The following CLVS1 variants were observed in gnomAD, a reference collection of about 807,000 sequenced individuals.
The protein encoded by CLVS1 is clavesin 1.
In CLVS1, 10 loss-of-function variants were observed where a neutral mutation model predicts 33.1. The ratio of observed to expected loss-of-function variants is 0.30; its 90% CI spans 0.19 to 0.51. CLVS1 has a LOEUF of 0.51. CLVS1 is among the 20% of genes least tolerant of loss of function. CLVS1 has a pLI of 0.97. For synonymous variants in CLVS1, 163 were observed against 166.1 expected, an observed-to-expected ratio of 0.98 and a Z score of 0.14; for missense variants, 343 against 433.4, an observed-to-expected ratio of 0.79 and a Z score of 1.85.
intron 2 of CLVS1, among the ~76,000 whole-genome samples, chr8:61,160,620 G>C (rs956064285): frequency 8.2e-6 from 1 of 122,624 alleles, no homozygotes; most frequent in Non-Finnish European, 2.1e-5. Context: ...CTTGTTAAGA[G>C]ATTTTTTTTT....
At chr8:61,121,760 C>CCA (rs750255952) in intron 1 of CLVS1, among the ~76,000 whole-genome samples, 8 of 151,736 alleles carry the variant, frequency 5.3e-5, no homozygotes, top group African/African-American at 9.7e-5. Flanking sequence ...AGAAACACAC[C>CCA]CACACACACA....
the CLVS1 span, among the ~76,000 whole-genome samples, chr8:61,008,170 G>A: frequency 6.6e-6 from 1 of 152,138 alleles, no homozygotes; most frequent in Non-Finnish European, 1.5e-5. Flanking sequence ...CACAGTCACT[G>A]TTTTGCCATC....
chr8:61,488,817 G>T (rs542997766), intron 5 of CLVS1, among the ~76,000 whole-genome samples: 1 of 152,120 alleles, frequency 6.6e-6, no homozygotes, highest in East Asian at 1.9e-4. Flanking sequence ...GTCCAGCTGC[G>T]GCTGCCAGTT....
At chr8:61,287,728 T>TAC (rs371711319), upstream of CLVS1, among the ~76,000 whole-genome samples, 175 of 151,788 alleles carry the variant, frequency 1.2e-3, no homozygotes, top group East Asian at 1.9e-3. Flanking sequence ...CTGTCAAATT[T>TAC]ACACACACAC....
rs1585687916 is a variant in CLVS1, at chr8:61,206,473, C to T, written c.-152+74613C>T. Among the ~76,000 whole-genome samples, 4 of 152,270 alleles carry T rather than the reference C, an allele frequency of 2.6e-5. No individual in the cohort carries two copies. In the South Asian group the frequency reaches 6.2e-4, roughly 24 times the overall value. On this transcript the variant is annotated intron_variant, in intron 2 of 2. Coordinates refer to the CLVS1 transcript ENST00000522621. The stretch of plus-strand genomic sequence containing the variant: ...TTAATATTTTATTCAGCATTGAGGG[C>T]TTAAATAAATATCACTTCCACTGGG...
Position 61,184,441 on chromosome 8 carries a change from G to A in CLVS1, c.-152+52581G>A, listed in dbSNP as rs565028703. 3.9e-5 allele frequency among the ~76,000 whole-genome samples: 6 copies of A among 152,310 alleles called. No homozygotes were observed. In the South Asian group the frequency reaches 1.0e-3, roughly 26 times the overall value. ...ACTCACAGCACTGCTTCTACCAGGCGTGGGAGGCACAGTAGATCCTCTGAA... is the reference window on the plus strand; with the variant it reads ...ACTCACAGCACTGCTTCTACCAGGCATGGGAGGCACAGTAGATCCTCTGAA... On this transcript the variant is annotated intron_variant, in intron 2 of 2. Transcript: ENST00000522621.
At chr8:61,125,444 T>G (rs1805951962) in intron 1 of CLVS1, among the ~76,000 whole-genome samples, 2 of 152,298 alleles carry the variant, frequency 1.3e-5, no homozygotes, top group South Asian at 4.1e-4. Context: ...AAAAAAGACA[T>G]AAGTTCAGTT....
chr8:61,014,865 A>T, the CLVS1 span, among the ~76,000 whole-genome samples: 1 of 152,234 alleles, frequency 6.6e-6, no homozygotes, highest in African/African-American at 2.4e-5. Flanking sequence ...AGATGTGGGG[A>T]TCAATAAATG....
At chr8:61,000,467 A>C in the CLVS1 span, among the ~76,000 whole-genome samples, 2 of 152,178 alleles carry the variant, frequency 1.3e-5, no homozygotes, top group African/African-American at 4.8e-5. Context: ...TGACGGGTTC[A>C]AGGGGAGTGG....
chr8:61,499,309 G>T, intron 5 of CLVS1, 146 bp from the exon 6 acceptor site: 1 of 571,396 alleles, frequency 1.8e-6, no homozygotes, highest in East Asian at 3.2e-5. Context: ...CTGAATAGCT[G>T]GGACTACTGG....
chr8:61,295,490 C>CATCT, intron 1 of CLVS1, among the ~76,000 whole-genome samples: 1 of 152,276 alleles, frequency 6.6e-6, no homozygotes, highest in African/African-American at 2.4e-5. Flanking sequence ...GGCAACTGGA[C>CATCT]ATCTGTAAGG....
intron 3 of CLVS1, among the ~76,000 whole-genome samples, chr8:61,425,782 T>G (rs369755102): frequency 4.1e-4 from 62 of 152,224 alleles, no homozygotes; most frequent in African/African-American, 1.3e-3. Flanking sequence ...GACTGAATAG[T>G]GTCTGGGGCA....
chr8:61,389,573 A>G (rs925648057), intron 3 of CLVS1, among the ~76,000 whole-genome samples: 1 of 152,160 alleles, frequency 6.6e-6, no homozygotes, highest in Non-Finnish European at 1.5e-5. Flanking sequence ...GCTGACAGCC[A>G]GGGAAGAAAC....
the CLVS1 span, among the ~76,000 whole-genome samples, chr8:61,029,956 C>T: frequency 6.6e-6 from 1 of 152,188 alleles, no homozygotes; most frequent in Non-Finnish European, 1.5e-5. Flanking sequence ...ACAGCCATCC[C>T]TTATGTAGAA....
chr8:61,307,547 C>T (rs1038844681), intron 2 of CLVS1, among the ~76,000 whole-genome samples: 1 of 152,014 alleles, frequency 6.6e-6, no homozygotes, highest in Non-Finnish European at 1.5e-5. Flanking sequence ...CACCAAGAAA[C>T]TCAGTAATTA....
At chr8:61,194,626 T>G (rs1585679283) in intron 2 of CLVS1, among the ~76,000 whole-genome samples, 2 of 152,016 alleles carry the variant, frequency 1.3e-5, no homozygotes, top group African/African-American at 4.8e-5. Flanking sequence ...TTAACATACA[T>G]CTTTCAAAAG....
rs868447752 is a variant in CLVS1 at position 61,074,412 on chromosome 8, A to T, written c.-243+17182A>T. ...TATATATATATGTTATATATATATA[A>T]GTATATGTGTATATATATATGTTAT... On this transcript the variant is annotated intron_variant, in intron 1 of 2. Coordinates refer to the CLVS1 transcript ENST00000522621. Among the ~76,000 whole-genome samples the T allele has an allele frequency of 6.9e-3, 952 of 138,162 alleles. 65 individuals are homozygous for T. The highest frequency in any genetic ancestry group is 0.025 in the African/African-American group (887 of 36,104). 90.6% of individuals were successfully genotyped at this position (138,162 alleles called of 152,430 possible). A position where few individuals can be genotyped will look rare whatever the true frequency, so the allele number is the denominator to read the frequency against.
At chr8:61,037,758 C>T in the CLVS1 span, among the ~76,000 whole-genome samples, 1 of 152,214 alleles carries the variant, frequency 6.6e-6, no homozygotes, top group African/African-American at 2.4e-5. Context: ...GTGTCCAGGG[C>T]AAACCCCAGA....
chr8:61,322,792 C>A (rs953186743), intron 2 of CLVS1, among the ~76,000 whole-genome samples: 7 of 152,096 alleles, frequency 4.6e-5, no homozygotes, highest in African/African-American at 1.7e-4. Flanking sequence ...TAAATTACTG[C>A]AAGAAAACTG....
Sources: gnomAD v4.1 joint callset for allele counts (sites outside exome capture counted in the v4.1 genomes callset) on GRCh38, gnomAD v4.1.1 for gene constraint, MANE v1.5 for transcripts, NCBI Gene and HGNC (gene_info 2026-07-23, HGNC 2026-07-21) for gene names.